The following ZNF469 variants were observed in gnomAD, a reference collection of about 807,000 sequenced individuals.
ZNF469 encodes zinc finger protein 469.
In ZNF469, 1 loss-of-function variant was observed where a neutral mutation model predicts 1.0. The ratio of observed to expected loss-of-function variants is 1.00; its 90% CI spans 0.35 to 4.73. The LOEUF (loss-of-function observed/expected upper bound fraction) is 4.73. ZNF469 is among the 30% of genes most tolerant of loss of function. The pLI is 0.16. For synonymous variants in ZNF469, 2,703 were observed against 2,363.4 expected (o/e 1.14, Z -4.17); for missense variants, 6,100 against 5,356.3 (o/e 1.14, Z -4.33).
chr16:88,185,253 A>G, the ZNF469 span, among the ~76,000 whole-genome samples: 1 of 152,134 alleles, frequency 6.6e-6, no homozygotes, highest in Non-Finnish European at 1.5e-5. Context: ...AGACTGATGC[A>G]CACGAACACA....
rs1474837417 is a variant in ZNF469 at position 88,437,943 on chromosome 16, T to C, written c.10473T>C (p.Pro3491=). The change falls in exon 3 of 3, where the codon CCT becomes CCC. Residue 3491 remains proline, a synonymous_variant. Transcript: ENST00000565624. ...CCCCTGGGCCCGGCGAGGACAGGCC[T>C]CCTCCCCGGGGAAGCAGCCCCATCC... ...GSAPGPGEDR[P]PPRGSSPILS... is the part of the protein sequence containing the mutation. The C allele has an allele frequency of 6.5e-7, 1 of 1,541,142 alleles. No homozygotes were observed.
rs528159004 is a variant in ZNF469, at chr16:88,437,269, C to T, written c.9799C>T (p.Pro3267Ser). Residue 3267 changes from proline to serine, a missense_variant, in exon 3 of 3, where the codon CCG becomes TCG. Physicochemically the swap from Pro to Ser is moderately conservative, Grantham distance 74. Transcript: ENST00000565624. ...GQEGEAKKDS[P>S]GERAKPRARS... is the part of the protein sequence containing the mutation. ...AGAGGGAGAAGCCAAGAAAGACAGCCCGGGCGAGAGGGCGAAACCCCGGGC... is the reference window on the plus strand; with the variant it reads ...AGAGGGAGAAGCCAAGAAAGACAGCTCGGGCGAGAGGGCGAAACCCCGGGC... The T allele has an allele frequency of 1.9e-6, 3 of 1,548,518 alleles. No individual in the cohort carries two copies. The highest frequency in any genetic ancestry group is 4.9e-5 in the East Asian group (2 of 40,858).
At chr16:88,363,695 G>A in the ZNF469 span, among the ~76,000 whole-genome samples, 4 of 152,170 alleles carry the variant, frequency 2.6e-5, no homozygotes, top group African/African-American at 4.8e-5. Context: ...GCTGTCCCAC[G>A]TGGCAGACAT....
the ZNF469 span, among the ~76,000 whole-genome samples, chr16:88,181,851 C>T: frequency 2.0e-5 from 3 of 152,316 alleles, no homozygotes; most frequent in South Asian, 6.2e-4. Flanking sequence ...ACTCTCATCA[C>T]TCTTATTAAC....
chr16:88,295,059 G>C, the ZNF469 span, among the ~76,000 whole-genome samples: 1 of 136,034 alleles, frequency 7.4e-6, no homozygotes, highest in Non-Finnish European at 1.6e-5. Flanking sequence ...GATGTGGCAG[G>C]GCTCAGGGTC....
At chr16:88,311,025 C>T in the ZNF469 span, among the ~76,000 whole-genome samples, 3 of 152,220 alleles carry the variant, frequency 2.0e-5, no homozygotes, top group Admixed American at 2.0e-4. Context: ...CCAGGATTTG[C>T]TCGTCACGCC....
chr16:88,274,495 G>A, the ZNF469 span, among the ~76,000 whole-genome samples: 3 of 152,240 alleles, frequency 2.0e-5, no homozygotes, highest in Non-Finnish European at 4.4e-5. Flanking sequence ...TGGTGTGACC[G>A]CACCAATAGA....
the ZNF469 span, among the ~76,000 whole-genome samples, chr16:88,307,637 A>G: frequency 3.9e-5 from 6 of 152,180 alleles, no homozygotes; most frequent in East Asian, 1.2e-3. Context: ...CCATTTGTGT[A>G]TCTTCTTCAG....
the ZNF469 span, among the ~76,000 whole-genome samples, chr16:88,349,478 A>G: frequency 2.0e-5 from 3 of 146,492 alleles, no homozygotes; most frequent in South Asian, 2.2e-4. Context: ...ACCCGGCACA[A>G]TACACACCAT....
At chr16:88,351,449 C>A in the ZNF469 span, among the ~76,000 whole-genome samples, 1 of 152,212 alleles carries the variant, frequency 6.6e-6, no homozygotes, top group Non-Finnish European at 1.5e-5. Flanking sequence ...TCACATGGCA[C>A]CGCCCTGGGC....
the ZNF469 span, among the ~76,000 whole-genome samples, chr16:88,359,358 T>C: frequency 5.5e-5 from 8 of 144,708 alleles, no homozygotes; most frequent in Non-Finnish European, 9.1e-5. Flanking sequence ...CCCGGGGGCT[T>C]GGTATCCTGC....
Position 88,433,723 on chromosome 16 carries a change from G to C in ZNF469, c.6253G>C (p.Glu2085Gln), listed in dbSNP as rs1023363342. 6.5e-7 allele frequency: 1 copy of C among 1,548,726 alleles called. No homozygotes were observed. The highest frequency in any genetic ancestry group is 1.4e-5 in the African/African-American group (1 of 73,032). The change falls in exon 3 of 3, where the codon GAG (glutamate) becomes CAG (glutamine). Residue 2085 changes from glutamate to glutamine, a missense_variant. Coordinates refer to ENST00000565624, the MANE Select transcript of ZNF469 (RefSeq NM_001367624.2). The part of the protein sequence containing the change: ...SRSGSEGRTP[E>Q]RASSPGLNKP... Reference sequence around the variant, plus strand: ...AAGTGGATCTGAGGGCCGGACTCCAGAGAGGGCGTCCAGCCCCGGCCTGAA... The same window carrying C: ...AAGTGGATCTGAGGGCCGGACTCCACAGAGGGCGTCCAGCCCCGGCCTGAA...
intron 1 of ZNF469, among the ~76,000 whole-genome samples, chr16:88,407,685 G>A (rs1319034367): frequency 1.3e-5 from 2 of 152,222 alleles, no homozygotes; most frequent in African/African-American, 4.8e-5. Flanking sequence ...TGCATTTCTA[G>A]ATGGTTCCTA....
the ZNF469 span, among the ~76,000 whole-genome samples, chr16:88,262,001 A>G: frequency 6.6e-6 from 1 of 152,150 alleles, no homozygotes; most frequent in Admixed American, 6.5e-5. This position sits in a 1 kb window ranked among gnomAD's most constrained non-coding sequence, Gnocchi z 4.3. Flanking sequence ...CCCTCCCACC[A>G]TCTGTGCAGG....
the ZNF469 span, among the ~76,000 whole-genome samples, chr16:88,259,637 C>T: frequency 1.3e-5 from 2 of 152,176 alleles, no homozygotes; most frequent in Admixed American, 1.3e-4. This position sits in a 1 kb window ranked among gnomAD's most constrained non-coding sequence, Gnocchi z 4.1. Context: ...GCCTGACAGC[C>T]ACCCCCAGGC....
chr16:88,146,244 G>A, the ZNF469 span, among the ~76,000 whole-genome samples: 2 of 152,248 alleles, frequency 1.3e-5, no homozygotes, highest in Non-Finnish European at 1.5e-5. Flanking sequence ...CCTGGCACGT[G>A]GCAGGTGCTC....
chr16:88,112,440 C>T, the ZNF469 span, among the ~76,000 whole-genome samples: 1 of 152,158 alleles, frequency 6.6e-6, no homozygotes, highest in African/African-American at 2.4e-5. Flanking sequence ...TCCTTGCGAG[C>T]ATTTGTGATT....
chr16:88,380,135 ACACACACT>A (rs932326265), upstream of ZNF469, among the ~76,000 whole-genome samples: 3 of 108,032 alleles, frequency 2.8e-5, no homozygotes, highest in South Asian at 3.0e-4. Context: ...ACACACACAG[ACACACACT>A]CACACACAAA....
chr16:88,387,188 A>G (rs989826074), intron 1 of ZNF469, among the ~76,000 whole-genome samples: 1 of 152,044 alleles, frequency 6.6e-6, no homozygotes, highest in Non-Finnish European at 1.5e-5. Context: ...ACCCCTGAGG[A>G]CCTTCCATTG....
Sources: allele counts gnomAD v4.1 joint callset (sites outside exome capture counted in the v4.1 genomes callset), GRCh38; gene constraint gnomAD v4.1.1; non-coding constraint Gnocchi (gnomAD v3.1); transcripts MANE v1.5; gene names NCBI Gene and HGNC (gene_info 2026-07-23, HGNC 2026-07-21).